Variants in HLCS observed in about 807,000 individuals in gnomAD.
The protein encoded by HLCS is holocarboxylase synthetase, also known as biotin--protein ligase.
In HLCS, 53 loss-of-function variants were observed where a neutral mutation model predicts 75.0. The observed-to-expected ratio is 0.71, with a 90% CI of 0.57 to 0.89. HLCS has a LOEUF of 0.89. Ranked by LOEUF, HLCS falls within the 40% of genes least tolerant of loss-of-function variation. HLCS has a pLI of 0.00. For synonymous variants in HLCS, 431 were observed against 428.6 expected (o/e 1.01, Z -0.07); for missense variants, 966 against 1,074.0 (o/e 0.90, Z 1.41).
At chr21:36,960,312 C>T (rs2068224552) in intron 2 of HLCS, among the ~76,000 whole-genome samples, 1 of 152,068 alleles carries the variant, frequency 6.6e-6, no homozygotes, top group Non-Finnish European at 1.5e-5. Flanking sequence ...GCACCGCTAG[C>T]CACAGAGGTT....
rs149889446 is a variant in HLCS, at chr21:36,837,575, C to G, written c.1892+59285G>C. Among the ~76,000 whole-genome samples, 3 of 152,154 alleles carry G rather than the reference C, an allele frequency of 2.0e-5. No individual in the cohort carries two copies. In the East Asian group the frequency reaches 5.8e-4, roughly 29 times the overall value. On this transcript the variant is annotated intron_variant, in intron 6 of 10. Coordinates refer to ENST00000674895, the MANE Select transcript of HLCS (RefSeq NM_001352514.2). Reference sequence around the variant, plus strand: ...TAACTTATCTAGTGGGTACTATTATCTATAACTCTTTAATATCAAACTCAC... The same window carrying G: ...TAACTTATCTAGTGGGTACTATTATGTATAACTCTTTAATATCAAACTCAC...
At chr21:36,913,392 T>C (rs934186389) in intron 5 of HLCS, among the ~76,000 whole-genome samples, 1 of 151,952 alleles carries the variant, frequency 6.6e-6, no homozygotes, top group Admixed American at 6.6e-5. Flanking sequence ...AATGGATGTG[T>C]ATGGCTCAGA....
At chr21:36,857,994 T>C (rs1194598702) in intron 6 of HLCS, among the ~76,000 whole-genome samples, 1 of 152,116 alleles carries the variant, frequency 6.6e-6, no homozygotes, top group Admixed American at 6.5e-5. Context: ...TTCACCATAT[T>C]GGCCAGGCTG....
chr21:36,906,043 C>A (rs1317421165), intron 5 of HLCS, among the ~76,000 whole-genome samples: 3 of 116,528 alleles, frequency 2.6e-5, no homozygotes, highest in African/African-American at 1.1e-4. Context: ...GAGTGAGACT[C>A]CATCTCAAAA....
intron 6 of HLCS, among the ~76,000 whole-genome samples, chr21:36,784,979 C>T (rs1027763836): frequency 2.0e-5 from 3 of 152,140 alleles, no homozygotes; most frequent in South Asian, 2.1e-4. Context: ...AACAAAGGAA[C>T]CTGAAGGTAA....
At chr21:36,856,095 A>G (rs2063183288) in intron 6 of HLCS, among the ~76,000 whole-genome samples, 1 of 152,144 alleles carries the variant, frequency 6.6e-6, no homozygotes, top group African/African-American at 2.4e-5. Flanking sequence ...GTGACTGCTA[A>G]TGGGTACAGG....
intron 2 of HLCS, among the ~76,000 whole-genome samples, chr21:36,953,953 C>T (rs766503592): frequency 4.6e-5 from 7 of 152,132 alleles, no homozygotes; most frequent in Admixed American, 6.5e-5. Context: ...ACAGTACTCA[C>T]GTATTTCTGG....
chr21:36,933,663 A>G (rs2066750955), intron 4 of HLCS, among the ~76,000 whole-genome samples: 3 of 152,064 alleles, frequency 2.0e-5, no homozygotes, highest in South Asian at 2.1e-4. Context: ...CAAACAGCAT[A>G]GCGGCGAGAC....
chr21:36,849,462 T>C (rs2062911621), intron 6 of HLCS, among the ~76,000 whole-genome samples: 1 of 152,236 alleles, frequency 6.6e-6, no homozygotes, highest in Non-Finnish European at 1.5e-5. Context: ...GGGACCCTGG[T>C]ACCTCCTTCT....
intron 2 of HLCS, among the ~76,000 whole-genome samples, chr21:36,951,487 C>G (rs1274167448): frequency 1.3e-5 from 2 of 152,228 alleles, no homozygotes; most frequent in Non-Finnish European, 2.9e-5. Flanking sequence ...AGGTCCCCCC[C>G]ATAATCCCTA....
Position 36,841,549 on chromosome 21 carries a change from G to A in HLCS, c.1892+55311C>T, listed in dbSNP as rs186734735. ...TCAATCTGTGTGTGAAGATGGCAAGGGCTAGGGCTGCACAACGTGGTGGCT... is the reference window on the plus strand; with the variant it reads ...TCAATCTGTGTGTGAAGATGGCAAGAGCTAGGGCTGCACAACGTGGTGGCT... On this transcript the variant is annotated intron_variant, in intron 6 of 10. Coordinates refer to ENST00000674895, the MANE Select transcript of HLCS (RefSeq NM_001352514.2). Among the ~76,000 whole-genome samples the A allele has an allele frequency of 1.4e-3, 220 of 152,348 alleles. 2 individuals carry two copies. The highest frequency in any genetic ancestry group is 5.1e-3 in the African/African-American group (212 of 41,584).
chr21:36,815,028 T>C (rs2061619633), intron 6 of HLCS, among the ~76,000 whole-genome samples: 1 of 129,202 alleles, frequency 7.7e-6, no homozygotes, highest in African/African-American at 3.2e-5. Context: ...GAAGCTTTGC[T>C]TTTTTTTTTT....
chr21:36,921,469 T>TAAATTTAAAA (rs1429134790), intron 5 of HLCS, among the ~76,000 whole-genome samples: 5 of 152,194 alleles, frequency 3.3e-5, no homozygotes, highest in Non-Finnish European at 4.4e-5. Context: ...GAATATTCAC[T>TAAATTTAAAA]TTCAACTTTA....
intron 6 of HLCS, among the ~76,000 whole-genome samples, chr21:36,846,011 A>G (rs2062785893): frequency 6.6e-6 from 1 of 152,180 alleles, no homozygotes; most frequent in African/African-American, 2.4e-5. Flanking sequence ...CTCATCTATA[A>G]AATGGGAATA....
chr21:36,940,376 T>G lies in HLCS; in HGVS notation c.331-1382A>C, dbSNP rs188646745. On this transcript the variant is annotated intron_variant, in intron 2 of 10. Transcript: ENST00000674895. ...TTTATTTTTTGAGATGAGTACTCGCTCTATCACCCAGGCTGGTCTTGAACT... is the reference window on the plus strand; with the variant it reads ...TTTATTTTTTGAGATGAGTACTCGCGCTATCACCCAGGCTGGTCTTGAACT... 6.4e-3 allele frequency among the ~76,000 whole-genome samples: 970 copies of G among 152,244 alleles called. 9 individuals carry two copies. The highest frequency in any genetic ancestry group is 0.021 in the African/African-American group (871 of 41,540).
At chr21:36,888,573 A>C (rs967020765) in intron 6 of HLCS, among the ~76,000 whole-genome samples, 4 of 148,552 alleles carry the variant, frequency 2.7e-5, no homozygotes, top group Admixed American at 6.8e-5. Flanking sequence ...CTCCCACACA[A>C]CATTTCCTCA....
intron 2 of HLCS, among the ~76,000 whole-genome samples, chr21:36,944,507 T>C (rs192667303): frequency 6.6e-6 from 1 of 152,346 alleles, no homozygotes; most frequent in Non-Finnish European, 1.5e-5. Flanking sequence ...CATTTTATTT[T>C]ATATAAATTA....
intron 8 of HLCS, among the ~76,000 whole-genome samples, chr21:36,761,909 G>A (rs1244952157): frequency 6.6e-6 from 1 of 152,218 alleles, no homozygotes; most frequent in Non-Finnish European, 1.5e-5. Flanking sequence ...GTGGCAGCTG[G>A]TGCCTGGGCG....
chr21:36,905,551 G>C (rs991719295), intron 5 of HLCS, among the ~76,000 whole-genome samples: 6 of 152,192 alleles, frequency 3.9e-5, no homozygotes, highest in Admixed American at 6.5e-5. Context: ...AATATGATTT[G>C]GGTGGAACCA....
Sources: allele counts gnomAD v4.1 joint callset (sites outside exome capture counted in the v4.1 genomes callset), GRCh38; gene constraint gnomAD v4.1.1; transcripts MANE v1.5; gene names NCBI Gene and HGNC (gene_info 2026-07-23, HGNC 2026-07-21).